The following RNPC3 variants were observed in gnomAD, a reference collection of about 807,000 sequenced individuals.
RNPC3 encodes RNA binding region (RNP1, RRM) containing 3, also known as RNA-binding region-containing protein 3.
In RNPC3, 48 loss-of-function variants were observed where a neutral mutation model predicts 67.5. The ratio of observed to expected loss-of-function variants is 0.71; its 90% CI spans 0.56 to 0.90. RNPC3 has a LOEUF of 0.90. Among genes scored for constraint, RNPC3 ranks in the 40% least tolerant of loss-of-function variants. RNPC3 has a pLI of 0.00. For missense variants in RNPC3, 637 were observed against 626.1 expected, an observed-to-expected ratio of 1.02 and a Z score of -0.19; for synonymous variants, 239 against 210.3, an observed-to-expected ratio of 1.14 and a Z score of -1.18.
intron 12 of RNPC3, 65 bp downstream of exon 12, chr1:103,547,100 ATT>A (rs1651264613): frequency 5.8e-6 from 5 of 859,772 alleles, no homozygotes; most frequent in Non-Finnish European, 8.6e-6. Flanking sequence ...ATTTACCACT[ATT>A]TTAATCCCAT....
intron 9 of RNPC3, among the ~76,000 whole-genome samples, chr1:103,543,994 T>C (rs1043361764): frequency 3.3e-5 from 5 of 151,800 alleles, no homozygotes; most frequent in African/African-American, 1.2e-4. Flanking sequence ...AATGGTGTTC[T>C]TTTGTTCTTT....
intron 12 of RNPC3, among the ~76,000 whole-genome samples, chr1:103,549,067 C>G (rs890578717): frequency 3.3e-5 from 5 of 152,138 alleles, no homozygotes; most frequent in African/African-American, 1.2e-4. Flanking sequence ...GCGTTCCTCC[C>G]ATGACACATG....
chr1:103,533,936 T>C, intron 3 of RNPC3, 79 bp downstream of exon 3: 2 of 784,022 alleles, frequency 2.6e-6, no homozygotes, highest in Non-Finnish European at 4.2e-6. Flanking sequence ...ACAGTTATTG[T>C]ATTGTTTTCA....
At chr1:103,548,758 C>T (rs996682410) in intron 12 of RNPC3, among the ~76,000 whole-genome samples, 1 of 152,092 alleles carries the variant, frequency 6.6e-6, no homozygotes, top group Non-Finnish European at 1.5e-5. Context: ...TTACTGGTAC[C>T]AATTTACTGT....
At chr1:103,553,286 G>A (rs918526299) in intron 14 of RNPC3, 15 of 152,124 alleles carry the variant, frequency 9.9e-5, no homozygotes, top group African/African-American at 1.4e-4. Context: ...GCATTCCTGC[G>A]TAAATACTGC....
At chr1:103,546,169 GTTTCAAAATTGTAA>G in intron 10 of RNPC3, 65 bp from the exon 11 acceptor site, 4 of 590,880 alleles carry the variant, frequency 6.8e-6, no homozygotes, top group Non-Finnish European at 7.9e-6. Flanking sequence ...TAACAATTAG[GTTTCAAAATTGTAA>G]TTATCTTTAA....
At chr1:103,546,908 G>GTATT (rs993816132) in intron 11 of RNPC3, 69 bp from the exon 12 acceptor site, 8 of 779,220 alleles carry the variant, frequency 1.0e-5, no homozygotes, top group South Asian at 3.4e-5. Flanking sequence ...ATGCATTGAT[G>GTATT]TATTTATTTA....
intron 14 of RNPC3, chr1:103,553,483 T>C (rs1651449968): frequency 6.6e-6 from 1 of 152,236 alleles, no homozygotes; most frequent in Non-Finnish European, 1.5e-5. Flanking sequence ...AGATCTTTTA[T>C]GTGTTTTTAG....
Position 103,546,346 on chromosome 1 carries a change from G to C in RNPC3, c.1302+4G>C, listed in dbSNP as rs1162478107. On this transcript the variant is annotated splice_donor_region_variant and intron_variant, in intron 11 of 14. Transcript: ENST00000423855. ...AGCTAAACATGTTCAAGAAAAGGTA[G>C]GTATAAATTGATTTTTTTTCATGTA... is the stretch of plus-strand genomic sequence containing the variant. 7.5e-7 allele frequency: 1 copy of C among 1,337,968 alleles called. No individual in the cohort carries two copies. Among genetic ancestry groups the C allele is most frequent in the Non-Finnish European group, 1.0e-6 (1 of 1,003,196 alleles). The allele number at this position is 1,337,968 out of a possible 1,614,324, so 82.9% of individuals were successfully genotyped here. A position where few individuals can be genotyped will look rare whatever the true frequency, so the allele number is the denominator to read the frequency against.
chr1:103,541,515 G>A (rs1651125166), intron 8 of RNPC3, 40 bp downstream of exon 8: 1 of 1,456,958 alleles, frequency 6.9e-7, no homozygotes, highest in Middle Eastern at 1.7e-4. Context: ...TTGTCTGTAT[G>A]TACTTTGTTT....
intron 12 of RNPC3, among the ~76,000 whole-genome samples, chr1:103,548,849 C>A (rs1196956823): frequency 6.6e-6 from 1 of 152,118 alleles, no homozygotes; most frequent in Non-Finnish European, 1.5e-5. Flanking sequence ...ATGGAAAACT[C>A]AAAGTTCCAC....
intron 2 of RNPC3, among the ~76,000 whole-genome samples, chr1:103,532,756 A>G (rs1175222787): frequency 6.6e-6 from 1 of 152,122 alleles, no homozygotes; most frequent in Non-Finnish European, 1.5e-5. Flanking sequence ...GTGATTAACT[A>G]TGTTAAATGC....
chr1:103,528,514 T>C (rs894642227), intron 2 of RNPC3, among the ~76,000 whole-genome samples: 2 of 152,116 alleles, frequency 1.3e-5, no homozygotes, highest in South Asian at 2.1e-4. Context: ...TTTTATAATA[T>C]AGGGGTTGAG....
At position 103,526,242 on chromosome 1, in the gene RNPC3, C is replaced by G; in HGVS notation, c.172C>G (p.Leu58Val). ...CTTCGGGGCTCAGTCTGTGCGGGTC[C>G]TGTCAGATAAGGGGCGACTGGTAAG... The part of the protein sequence containing the change: ...KYFGAQSVRV[L>V]SDKGRLKHTA... Residue 58 changes from leucine (L) to valine (V), a missense_variant, in exon 1 of 15, where the codon CTG becomes GTG. Around this residue, in one of 3 missense-constraint regions of RNPC3, gnomAD observed 536 missense variants for 500.3 expected, o/e 1.07. Coordinates refer to ENST00000423855, the MANE Select transcript of RNPC3 (RefSeq NM_017619.4). The G allele has an allele frequency of 6.5e-7, 1 of 1,548,924 alleles. No individual in the cohort carries two copies. Among genetic ancestry groups the G allele is most frequent in the South Asian group, 1.2e-5 (1 of 83,780 alleles).
chr1:103,537,441 G>A lies in RNPC3; in HGVS notation c.724G>A (p.Glu242Lys). Residue 242 changes from glutamate (E) to lysine (K), a missense_variant, in exon 7 of 15, where the codon GAA becomes AAA. This residue lies in a region of RNPC3 where 536 missense variants were observed against 500.3 expected (regional missense o/e 1.07). Coordinates refer to ENST00000423855, the MANE Select transcript of RNPC3 (RefSeq NM_017619.4). ...AGACGAGGATGAGGAATTATCTAGT[G>A]AAGAATCAGAATATGAAAGCACTGA... is the stretch of plus-strand genomic sequence containing the variant. ...LPDEDEELSS[E>K]ESEYESTDDE... The A allele has an allele frequency of 6.5e-7, 1 of 1,536,798 alleles. No individual in the cohort carries two copies. The highest frequency in any genetic ancestry group is 8.7e-7 in the Non-Finnish European group (1 of 1,146,678).
chr1:103,536,079 G>A, intron 5 of RNPC3, 47 bp from the exon 6 acceptor site: 2 of 1,342,972 alleles, frequency 1.5e-6, no homozygotes, highest in Non-Finnish European at 2.1e-6. Context: ...TACAAGATGT[G>A]AGTTGAATCA....
At chr1:103,542,884 G>T (rs189497456) in intron 8 of RNPC3, among the ~76,000 whole-genome samples, 2 of 151,474 alleles carry the variant, frequency 1.3e-5, no homozygotes, top group Non-Finnish European at 3.0e-5. Flanking sequence ...TCTTTTCATG[G>T]TTTTAATGTG....
At chr1:103,550,311 G>C (rs1417427738) in intron 12 of RNPC3, among the ~76,000 whole-genome samples, 1 of 151,636 alleles carries the variant, frequency 6.6e-6, no homozygotes, top group Non-Finnish European at 1.5e-5. Flanking sequence ...AGATTGTAAG[G>C]AACTTAAAAA....
At chr1:103,553,999 C>T (rs539153151) in intron 14 of RNPC3, 3 of 152,262 alleles carry the variant, frequency 2.0e-5, no homozygotes, top group South Asian at 2.1e-4. Flanking sequence ...GGTTGATGAC[C>T]GTAATCACCA....
Sources: allele counts gnomAD v4.1 joint callset (sites outside exome capture counted in the v4.1 genomes callset), GRCh38; gene constraint gnomAD v4.1.1; regional missense constraint gnomAD v4.1.1; transcripts MANE v1.5; gene names NCBI Gene and HGNC (gene_info 2026-07-23, HGNC 2026-07-21).